Variants in DLG2 observed in about 807,000 individuals in gnomAD.
DLG2 encodes the protein disks large homolog 2.
Under a neutral mutation model 132.5 loss-of-function variants are expected in DLG2, and 45 were observed. The ratio of observed to expected loss-of-function variants is 0.34; its 90% CI spans 0.27 to 0.44. The LOEUF (loss-of-function observed/expected upper bound fraction) is 0.44. Ranked by LOEUF, DLG2 falls within the 20% of genes least tolerant of loss-of-function variation. The pLI is 1.00. For synonymous variants in DLG2, 424 were observed against 419.6 expected (o/e 1.01, Z -0.13); for missense variants, 1,045 against 1,196.9 (o/e 0.87, Z 1.87).
intron 4 of DLG2, among the ~76,000 whole-genome samples, chr11:85,210,014 TA>T (rs1184780515): frequency 6.6e-6 from 1 of 152,096 alleles, no homozygotes; most frequent in African/African-American, 2.4e-5. Context: ...ACTTTTTCAA[TA>T]ACACCTGCCC....
Position 84,255,244 on chromosome 11 carries a change from A to C in DLG2, c.520-3953T>G, listed in dbSNP as rs528742398. ...TCTAGTTTGTTTCTGAGTCCTAAAA[A>C]CCAACTATCCACTTGCTTTGATAGT... On this transcript the variant is annotated intron_variant, in intron 7 of 27. Transcript: ENST00000376104. Among the ~76,000 whole-genome samples the C allele has an allele frequency of 4.6e-5, 7 of 152,114 alleles. No homozygotes were observed. The South Asian group carries it at 1.5e-3, about 32-fold the overall frequency.
intron 18 of DLG2, among the ~76,000 whole-genome samples, chr11:83,674,971 C>T (rs1000804209): frequency 6.6e-6 from 1 of 152,304 alleles, no homozygotes; most frequent in East Asian, 1.9e-4. Flanking sequence ...TTTATCATTG[C>T]ATTTGGATGC....
intron 11 of DLG2, among the ~76,000 whole-genome samples, chr11:84,009,179 T>C (rs546578907): frequency 1.3e-5 from 2 of 152,062 alleles, no homozygotes; most frequent in South Asian, 4.2e-4. Flanking sequence ...AGTATACCAT[T>C]TTGGTCCTGA....
chr11:85,054,017 A>C (rs1593300958), intron 6 of DLG2, among the ~76,000 whole-genome samples: 1 of 152,192 alleles, frequency 6.6e-6, no homozygotes, highest in Non-Finnish European at 1.5e-5. Flanking sequence ...CTGTAATCCC[A>C]GAGCTTTGGG....
intron 3 of DLG2, among the ~76,000 whole-genome samples, chr11:85,582,579 T>G (rs1439029335): frequency 6.9e-6 from 1 of 144,894 alleles, no homozygotes; most frequent in Non-Finnish European, 1.5e-5. Context: ...ATCCCAGTAT[T>G]TTGGGAGGCC....
chr11:85,420,937 G>A (rs761853858), intron 3 of DLG2, among the ~76,000 whole-genome samples: 5 of 152,198 alleles, frequency 3.3e-5, no homozygotes, highest in Non-Finnish European at 5.9e-5. Flanking sequence ...ATTTCCAGAA[G>A]AGTGAACAGT....
intron 3 of DLG2, among the ~76,000 whole-genome samples, chr11:85,506,683 T>C (rs1266953331): frequency 2.0e-5 from 3 of 152,218 alleles, no homozygotes; most frequent in African/African-American, 7.2e-5. Context: ...CTGAGAAGAA[T>C]GTATATTCTG....
intron 3 of DLG2, among the ~76,000 whole-genome samples, chr11:85,581,364 G>C (rs528716686): frequency 6.6e-6 from 1 of 151,712 alleles, no homozygotes; most frequent in Non-Finnish European, 1.5e-5. Flanking sequence ...TGTAATCCTC[G>C]CACTTTCAGA....
chr11:84,776,722 A>T (rs1178309746), intron 6 of DLG2, among the ~76,000 whole-genome samples: 5 of 152,140 alleles, frequency 3.3e-5, no homozygotes, highest in Non-Finnish European at 7.4e-5. Context: ...CCATGTTGTC[A>T]TGTATACCAA....
At chr11:83,709,288 T>A (rs186603273) in intron 18 of DLG2, among the ~76,000 whole-genome samples, 6 of 148,582 alleles carry the variant, frequency 4.0e-5, no homozygotes, top group Non-Finnish European at 8.9e-5. Context: ...TACATATATG[T>A]ACATATATAC....
intron 6 of DLG2, among the ~76,000 whole-genome samples, chr11:85,005,596 G>A (rs142757584): frequency 0.01 from 1,527 of 152,328 alleles, 15 homozygotes; most frequent in South Asian, 0.02. Context: ...AGACTTTGCA[G>A]AAGTTGCTTA....
At chr11:85,181,299 A>G (rs2152512494) in intron 4 of DLG2, among the ~76,000 whole-genome samples, 1 of 151,758 alleles carries the variant, frequency 6.6e-6, no homozygotes, top group Admixed American at 6.6e-5. Context: ...GAATCAATCC[A>G]TCACCTCAAG....
chr11:84,018,455 T>C (rs975421843), intron 11 of DLG2, among the ~76,000 whole-genome samples: 1 of 152,026 alleles, frequency 6.6e-6, no homozygotes, highest in Non-Finnish European at 1.5e-5. Context: ...GATAAATGGC[T>C]CTTTGCAAAA....
intron 3 of DLG2, among the ~76,000 whole-genome samples, chr11:85,423,827 G>A (rs563395551): frequency 6.6e-6 from 1 of 152,256 alleles, no homozygotes; most frequent in African/African-American, 2.4e-5. Flanking sequence ...GGAAAGCATG[G>A]CTGAGAACTT....
intron 3 of DLG2, among the ~76,000 whole-genome samples, chr11:85,403,953 T>G (rs1421558915): frequency 2.0e-5 from 3 of 151,778 alleles, no homozygotes; most frequent in Non-Finnish European, 2.9e-5. Context: ...AAAATAAGGG[T>G]TGTAATAGGT....
chr11:85,373,622 T>A (rs1034797086), intron 3 of DLG2, among the ~76,000 whole-genome samples: 1 of 152,176 alleles, frequency 6.6e-6, no homozygotes, highest in Non-Finnish European at 1.5e-5. Flanking sequence ...GCCCCTCTTC[T>A]TCCTGTGTGG....
chr11:83,892,709 A>AAC (rs1025550465), intron 15 of DLG2, among the ~76,000 whole-genome samples: 9 of 151,770 alleles, frequency 5.9e-5, no homozygotes, highest in South Asian at 2.1e-4. Context: ...TAAAAAAAAA[A>AAC]AACTCACCTC....
At chr11:85,091,844 T>C (rs11234293) in intron 6 of DLG2, among the ~76,000 whole-genome samples, 42 of 152,326 alleles carry the variant, frequency 2.8e-4, no homozygotes, top group Non-Finnish European at 4.4e-4. Context: ...CACTAAAGTA[T>C]TGATCCTCTC....
At chr11:83,461,838 A>G (rs1484966352) in intron 27 of DLG2, 164 bp downstream of exon 27, 4 of 573,600 alleles carry the variant, frequency 7.0e-6, no homozygotes, top group African/African-American at 3.7e-5. Flanking sequence ...TTTTACATCA[A>G]AATGGGTGAA....
Sources: gnomAD v4.1 joint callset for allele counts (sites outside exome capture counted in the v4.1 genomes callset) on GRCh38, gnomAD v4.1.1 for gene constraint, MANE v1.5 for transcripts, NCBI Gene and HGNC (gene_info 2026-07-23, HGNC 2026-07-21) for gene names.